Variants in AATF observed in about 807,000 individuals in gnomAD.
The protein encoded by AATF is protein AATF.
Under a neutral mutation model 63.7 loss-of-function variants are expected in AATF, and 48 were observed. That is an observed-to-expected ratio of 0.75 (90% CI 0.60 to 0.96). The LOEUF (loss-of-function observed/expected upper bound fraction) is 0.96, where lower values mean the gene tolerates loss of function less well. AATF is among the 40% of genes least tolerant of loss of function. AATF has a pLI of 0.00. For synonymous variants in AATF, 258 were observed against 247.7 expected, an observed-to-expected ratio of 1.04 and a Z score of -0.39; for missense variants, 639 against 685.7, an observed-to-expected ratio of 0.93 and a Z score of 0.76.
At chr17:37,041,450 T>C (rs1015714247) in intron 11 of AATF, among the ~76,000 whole-genome samples, 1 of 152,230 alleles carries the variant, frequency 6.6e-6, no homozygotes, top group African/African-American at 2.4e-5. Flanking sequence ...CATGACTCTT[T>C]TCTTTCCAGC....
intron 8 of AATF, among the ~76,000 whole-genome samples, chr17:37,000,572 A>G (rs1388305160): frequency 2.0e-5 from 3 of 152,274 alleles, no homozygotes; most frequent in South Asian, 2.1e-4. Context: ...AGAGTTATAT[A>G]TATATTTTTG....
chr17:37,020,850 G>C (rs144316642), intron 9 of AATF, 84 bp from the exon 10 acceptor site: 35 of 1,102,364 alleles, frequency 3.2e-5, no homozygotes, highest in Middle Eastern at 4.1e-4. Flanking sequence ...CTTTCTGCAG[G>C]GTTGTTAGAA....
intron 4 of AATF, among the ~76,000 whole-genome samples, chr17:36,959,153 A>G (rs2070926189): frequency 6.6e-6 from 1 of 151,420 alleles, no homozygotes; most frequent in African/African-American, 2.4e-5. Flanking sequence ...CAAAAAAAAC[A>G]AACATACAGA....
At chr17:37,001,199 G>A (rs1443307396) in intron 8 of AATF, among the ~76,000 whole-genome samples, 1 of 151,904 alleles carries the variant, frequency 6.6e-6, no homozygotes, top group East Asian at 1.9e-4. Flanking sequence ...CATGCCTGTA[G>A]TCCCAGCTAT....
At chr17:37,002,627 A>G (rs188950314) in intron 8 of AATF, among the ~76,000 whole-genome samples, 8 of 151,852 alleles carry the variant, frequency 5.3e-5, no homozygotes, top group African/African-American at 1.9e-4. Context: ...AGCCAAGATA[A>G]CGCCACTGCA....
chr17:36,958,380 T>G (rs2070919271), intron 4 of AATF, among the ~76,000 whole-genome samples: 1 of 152,144 alleles, frequency 6.6e-6, no homozygotes, highest in African/African-American at 2.4e-5. Flanking sequence ...TTGGCCAGGC[T>G]GGTCCTAAAC....
At chr17:36,973,147 T>A (rs1336338888) in intron 4 of AATF, among the ~76,000 whole-genome samples, 1 of 152,208 alleles carries the variant, frequency 6.6e-6, no homozygotes, top group African/African-American at 2.4e-5. Flanking sequence ...TTCTTTTTGC[T>A]TGTGAGTAAC....
intron 8 of AATF, among the ~76,000 whole-genome samples, chr17:37,006,481 A>G (rs2071342455): frequency 6.6e-6 from 1 of 152,218 alleles, no homozygotes; most frequent in Non-Finnish European, 1.5e-5. Flanking sequence ...AAAAAAAAGA[A>G]TTGCATAAGT....
chr17:37,037,316 ACAGCGT>A (rs2071601675), intron 11 of AATF, among the ~76,000 whole-genome samples: 1 of 152,160 alleles, frequency 6.6e-6, no homozygotes, highest in Non-Finnish European at 1.5e-5. Context: ...TACCTGGCTG[ACAGCGT>A]CATCTTTAAG....
In AATF at chr17:37,056,601, G is replaced by T; in HGVS notation, c.1620G>T (p.Arg540Ser). 6.2e-7 allele frequency: 1 copy of T among 1,614,164 alleles called. No individual in the cohort carries two copies. The highest frequency in any genetic ancestry group is 8.5e-7 in the Non-Finnish European group (1 of 1,180,026). Reference protein sequence around the residue: ...IDHTTMNDDARTELYRSLFGQ... With the variant: ...IDHTTMNDDASTELYRSLFGQ... ...CCAGTTTGCTGTGTTTGTCTTTTAG[G>T]ACAGAACTGTACCGCTCTCTTTTTG... The change falls in exon 12 of 12, where the codon AGG becomes AGT. Residue 540 changes from arginine to serine, a missense_variant and splice_region_variant. Coordinates refer to ENST00000619387, the MANE Select transcript of AATF (RefSeq NM_012138.4).
At chr17:37,009,588 C>T (rs1228476657) in intron 8 of AATF, among the ~76,000 whole-genome samples, 1 of 149,630 alleles carries the variant, frequency 6.7e-6, no homozygotes, top group Non-Finnish European at 1.5e-5. Context: ...GAGGCCGAGG[C>T]GGGTGGATCA....
At chr17:36,970,019 A>G (rs1444041179) in intron 4 of AATF, among the ~76,000 whole-genome samples, 2 of 152,192 alleles carry the variant, frequency 1.3e-5, no homozygotes, top group South Asian at 2.1e-4. Context: ...ATCCCATTGT[A>G]TGGATATACC....
In AATF at chr17:36,950,409, A is replaced by G; in HGVS notation, c.283+4A>G. 1 of 1,612,222 alleles carries G rather than the reference A, an allele frequency of 6.2e-7. No homozygotes were observed. The highest frequency in any genetic ancestry group is 1.1e-5 in the South Asian group (1 of 90,994). ...CAGACTCTGCCAGGATCGTCTGGTG[A>G]GTAGACATTTTTGAATGGAACTCTT... On this transcript the variant is annotated splice_donor_region_variant and intron_variant, in intron 2 of 11. Coordinates refer to ENST00000619387, the MANE Select transcript of AATF (RefSeq NM_012138.4).
intron 11 of AATF, among the ~76,000 whole-genome samples, chr17:37,050,440 T>C (rs997753579): frequency 4.6e-5 from 7 of 152,220 alleles, no homozygotes; most frequent in African/African-American, 1.7e-4. Flanking sequence ...ATCTAGTACA[T>C]GTTTAAGCTT....
chr17:36,968,726 A>G (rs2071016048), intron 4 of AATF, among the ~76,000 whole-genome samples: 1 of 151,796 alleles, frequency 6.6e-6, no homozygotes, highest in Non-Finnish European at 1.5e-5. Context: ...GGCTCAGGTT[A>G]TCTTCCTGCC....
chr17:37,039,457 C>T (rs1190309883), intron 11 of AATF, among the ~76,000 whole-genome samples: 1 of 152,202 alleles, frequency 6.6e-6, no homozygotes, highest in Admixed American at 6.5e-5. Flanking sequence ...TCCCTCTCTT[C>T]CTTATCAGAT....
In AATF at chr17:36,986,707, A is replaced by G. The variant is rs116370045; in HGVS notation, c.923A>G (p.Asp308Gly). The change falls in exon 5 of 12, where the codon GAT becomes GGT. Residue 308 changes from aspartate to glycine, a missense_variant. By Grantham distance (94) the Asp-to-Gly change is moderately conservative (BLOSUM62 -1). Transcript: ENST00000619387. ...TACCCAGACACTAGATATCTAGTAG[A>G]TGGGACAAAGCCCAATGCGGGAAGG... The part of the protein sequence containing the change: ...FQYPDTRYLV[D>G]GTKPNAGSEE... 4.9e-4 allele frequency: 785 copies of G among 1,614,020 alleles called. 5 individuals are homozygous for G. The African/African-American group carries it at 9.2e-3, about 19-fold the overall frequency.
intron 8 of AATF, among the ~76,000 whole-genome samples, chr17:37,001,154 A>G (rs2071291335): frequency 1.3e-5 from 2 of 152,090 alleles, no homozygotes; most frequent in South Asian, 2.1e-4. Flanking sequence ...CCCCGTCTCT[A>G]TAAAAAGCAA....
chr17:37,021,063 C>A, intron 10 of AATF, 49 bp downstream of exon 10: 1 of 1,318,188 alleles, frequency 7.6e-7, no homozygotes, highest in East Asian at 2.6e-5. Flanking sequence ...ATATGTATCT[C>A]GTCTCTTACA....
Sources: allele counts gnomAD v4.1 joint callset (sites outside exome capture counted in the v4.1 genomes callset), GRCh38; gene constraint gnomAD v4.1.1; transcripts MANE v1.5; gene names NCBI Gene and HGNC (gene_info 2026-07-23, HGNC 2026-07-21).